The following PPP1R9A variants were observed in gnomAD, a reference collection of about 807,000 sequenced individuals.
The protein encoded by PPP1R9A is protein phosphatase 1 regulatory subunit 9A, also known as neurabin-1.
Under a neutral mutation model 141.9 loss-of-function variants are expected in PPP1R9A, and 59 were observed. That is an observed-to-expected ratio of 0.42 (90% CI 0.34 to 0.52). The LOEUF is 0.52. Among genes scored for constraint, PPP1R9A ranks in the 20% least tolerant of loss-of-function variants. The probability of loss-of-function intolerance (pLI) is 0.10; values close to 1 mark genes in which losing one functional copy is unlikely to be tolerated. For synonymous variants in PPP1R9A, 500 were observed against 569.7 expected, an observed-to-expected ratio of 0.88 and a Z score of 1.74; for missense variants, 1,444 against 1,611.9, an observed-to-expected ratio of 0.90 and a Z score of 1.78.
chr7:95,204,122 CT>C (rs1414283442), intron 7 of PPP1R9A, among the ~76,000 whole-genome samples: 2 of 152,106 alleles, frequency 1.3e-5, no homozygotes, highest in African/African-American at 4.8e-5. Flanking sequence ...AGAAAATAAT[CT>C]TTTGATACAA....
intron 2 of PPP1R9A, among the ~76,000 whole-genome samples, chr7:94,921,948 G>C (rs1456163725): frequency 1.3e-5 from 2 of 152,062 alleles, no homozygotes; most frequent in South Asian, 2.1e-4. Flanking sequence ...CTGGGCAACA[G>C]AGCAAGACCC....
intron 2 of PPP1R9A, among the ~76,000 whole-genome samples, chr7:94,990,559 T>C (rs1801381489): frequency 6.6e-6 from 1 of 152,166 alleles, no homozygotes; most frequent in South Asian, 2.1e-4. Context: ...GTGTTGGGAA[T>C]GTTTAATATC....
At chr7:94,911,616 A>T in intron 2 of PPP1R9A, 108 bp downstream of exon 2, 1 of 819,712 alleles carries the variant, frequency 1.2e-6, no homozygotes, top group Non-Finnish European at 1.9e-6. Context: ...AAGGGATTCA[A>T]GATTGTTGAT....
At chr7:95,173,693 G>A (rs1044248831) in intron 5 of PPP1R9A, among the ~76,000 whole-genome samples, 3 of 151,954 alleles carry the variant, frequency 2.0e-5, no homozygotes, top group Non-Finnish European at 4.4e-5. Context: ...TTTTAAATGT[G>A]CAAGTCCTAT....
In PPP1R9A at chr7:95,222,556, A is replaced by T. The variant is rs1025998539; in HGVS notation, c.1957-3405A>T. On this transcript the variant is annotated intron_variant, in intron 7 of 19. Transcript: ENST00000433360. ...ATTAATCAGAAAGGTAGGTAAAGAC[A>T]TGAAAGGGAAAATTTACTATCTCTG... Among the ~76,000 whole-genome samples the T allele has an allele frequency of 3.3e-5, 5 of 152,032 alleles. 1 individual carries two copies. The highest frequency in any genetic ancestry group is 3.3e-4 in the Admixed American group (5 of 15,230).
chr7:95,061,086 T>C (rs552902110), intron 2 of PPP1R9A, among the ~76,000 whole-genome samples: 50 of 152,262 alleles, frequency 3.3e-4, no homozygotes, highest in African/African-American at 8.9e-4. Flanking sequence ...TATAAATTGA[T>C]TACAACAGAA....
intron 2 of PPP1R9A, among the ~76,000 whole-genome samples, chr7:94,958,380 A>G (rs1218105886): frequency 6.6e-6 from 1 of 152,046 alleles, no homozygotes; most frequent in Non-Finnish European, 1.5e-5. Context: ...TAGAACTTAT[A>G]GGTTCCAGGA....
At position 95,103,362 on chromosome 7, in the gene PPP1R9A, C is replaced by CTTTTTT. The variant is rs897838647; in HGVS notation, c.1396-7884_1396-7879dup. On this transcript the variant is annotated intron_variant, in intron 2 of 19. Transcript: ENST00000433360. Reference sequence around the variant, plus strand: ...GAGTATGTTTGGTTTTTTTTCACTTCTTTTTTTTTTTTTTTTTTGAGACAG... The same window carrying CTTTTTT: ...GAGTATGTTTGGTTTTTTTTCACTTCTTTTTTTTTTTTTTTTTTTTTTTTGAGACAG... Among the ~76,000 whole-genome samples, 22 of 88,812 alleles carry CTTTTTT rather than the reference C, an allele frequency of 2.5e-4. 3 individuals carry two copies. Among genetic ancestry groups the CTTTTTT allele is most frequent in the African/African-American group, 1.9e-4 (4 of 21,358 alleles). 58.3% of individuals were successfully genotyped at this position (88,812 alleles called of 152,430 possible).
At chr7:94,982,582 T>C (rs1800261569) in intron 2 of PPP1R9A, among the ~76,000 whole-genome samples, 1 of 152,242 alleles carries the variant, frequency 6.6e-6, no homozygotes, top group South Asian at 2.1e-4. Flanking sequence ...CCAGTGATGA[T>C]GAGCATTTTT....
intron 12 of PPP1R9A, among the ~76,000 whole-genome samples, chr7:95,262,491 T>G (rs1298399587): frequency 6.6e-6 from 1 of 152,214 alleles, no homozygotes; most frequent in Non-Finnish European, 1.5e-5. Context: ...CAAATGATAT[T>G]TGATAGCAGT....
At chr7:95,097,360 A>G (rs949088165) in intron 2 of PPP1R9A, among the ~76,000 whole-genome samples, 2 of 152,174 alleles carry the variant, frequency 1.3e-5, no homozygotes, top group Admixed American at 6.6e-5. Flanking sequence ...CATAGTGCCA[A>G]CCAGTGAGCT....
intron 2 of PPP1R9A, among the ~76,000 whole-genome samples, chr7:95,056,949 A>G (rs1811576193): frequency 6.6e-6 from 1 of 152,130 alleles, no homozygotes; most frequent in African/African-American, 2.4e-5. Context: ...GACAACTTCA[A>G]GTTATATATA....
intron 12 of PPP1R9A, among the ~76,000 whole-genome samples, chr7:95,259,678 C>T (rs1196590675): frequency 6.6e-6 from 1 of 152,058 alleles, no homozygotes; most frequent in Non-Finnish European, 1.5e-5. Context: ...TCTCTTTTAG[C>T]ATAGGAACCT....
intron 2 of PPP1R9A, among the ~76,000 whole-genome samples, chr7:95,096,697 A>G (rs1383201427): frequency 6.6e-6 from 1 of 152,086 alleles, no homozygotes. Flanking sequence ...TTTTTCTACC[A>G]TCTCTTCCTG....
intron 2 of PPP1R9A, among the ~76,000 whole-genome samples, chr7:94,997,151 A>G (rs2151482969): frequency 6.6e-6 from 1 of 152,178 alleles, no homozygotes; most frequent in South Asian, 2.1e-4. Flanking sequence ...TTTCTTTTAT[A>G]TATCTTCCAT....
At chr7:95,045,455 A>C (rs1809871275) in intron 2 of PPP1R9A, among the ~76,000 whole-genome samples, 1 of 152,202 alleles carries the variant, frequency 6.6e-6, no homozygotes, top group Non-Finnish European at 1.5e-5. Context: ...GGAGGTGAGC[A>C]TGCGCAGTGT....
chr7:95,162,917 T>G (rs1334817506), intron 5 of PPP1R9A, among the ~76,000 whole-genome samples: 2 of 152,198 alleles, frequency 1.3e-5, no homozygotes, highest in African/African-American at 2.4e-5. Flanking sequence ...AAACTACTTC[T>G]GTGGGCGCTA....
At chr7:95,061,618 C>A (rs1459902437) in intron 2 of PPP1R9A, among the ~76,000 whole-genome samples, 1 of 152,092 alleles carries the variant, frequency 6.6e-6, no homozygotes, top group African/African-American at 2.4e-5. Flanking sequence ...CACCCGTGGT[C>A]TCAGCTACTT....
chr7:95,037,705 G>A (rs1343272665), intron 2 of PPP1R9A, among the ~76,000 whole-genome samples: 7 of 151,936 alleles, frequency 4.6e-5, no homozygotes, highest in South Asian at 2.1e-4. Context: ...GTGTGCGTGC[G>A]CGCGTGTGTG....
Sources: gnomAD v4.1 joint callset for allele counts (sites outside exome capture counted in the v4.1 genomes callset) on GRCh38, gnomAD v4.1.1 for gene constraint, MANE v1.5 for transcripts, NCBI Gene and HGNC (gene_info 2026-07-23, HGNC 2026-07-21) for gene names.